Variants in DOLPP1 observed in about 807,000 individuals in gnomAD.
DOLPP1 encodes the protein dolichyldiphosphatase 1, also known as dolichyl pyrophosphate phosphatase 1.
In DOLPP1, 15 loss-of-function variants were observed where a neutral mutation model predicts 34.1. The ratio of observed to expected loss-of-function variants is 0.44; its 90% CI spans 0.29 to 0.68. The LOEUF (loss-of-function observed/expected upper bound fraction) is 0.68. DOLPP1 is among the 30% of genes least tolerant of loss of function. The probability of loss-of-function intolerance (pLI) is 0.12; values close to 1 mark genes in which losing one functional copy is unlikely to be tolerated. For synonymous variants in DOLPP1, 130 were observed against 128.2 expected (o/e 1.01, Z -0.10); for missense variants, 249 against 307.1 (o/e 0.81, Z 1.41).
At position 129,089,372 on chromosome 9, in the gene DOLPP1, CTATT is replaced by C. The variant is rs987295108; in HGVS notation, c.*371_*374del. 11 of 200,318 alleles carry C rather than the reference CTATT, an allele frequency of 5.5e-5. No homozygotes were observed. The highest frequency in any genetic ancestry group is 2.1e-4 in the African/African-American group (9 of 43,176). The allele number at this position is 200,318 out of a possible 1,614,324, so 12.4% of individuals were successfully genotyped here. ...TTCCAGGTGGCGTGAGAAGTACACA[CTATT>C]TATTTTTTGGTTTTGTCAGAGGCAG... On this transcript the variant is annotated 3_prime_UTR_variant, in exon 8 of 8. Coordinates refer to ENST00000372546, the MANE Select transcript of DOLPP1 (RefSeq NM_020438.5). This position sits in a 1 kb window ranked among gnomAD's most constrained non-coding sequence, Gnocchi z 4.9.
chr9:129,082,818 G>C (rs1846914124), intron 1 of DOLPP1, among the ~76,000 whole-genome samples: 1 of 152,232 alleles, frequency 6.6e-6, no homozygotes, highest in Admixed American at 6.5e-5. Context: ...GGGGGATAGA[G>C]TGGGATATAA....
In DOLPP1 at chr9:129,081,303, G is replaced by A. The variant is rs2131412673; in HGVS notation, c.76+96G>A. ...CTCGAGCCCGCGGAGGGGGCGCCGGGGGACCGGGGTGGGAACTGTCAAATA... is the reference window on the plus strand; with the variant it reads ...CTCGAGCCCGCGGAGGGGGCGCCGGAGGACCGGGGTGGGAACTGTCAAATA... On this transcript the variant is annotated intron_variant, in intron 1 of 7. Coordinates refer to ENST00000372546, the MANE Select transcript of DOLPP1 (RefSeq NM_020438.5). 14 of 1,495,140 alleles carry A rather than the reference G, an allele frequency of 9.4e-6. No individual in the cohort carries two copies. The South Asian group carries it at 1.6e-4, about 17-fold the overall frequency. 92.6% of individuals were successfully genotyped at this position (1,495,140 alleles called of 1,614,324 possible).
chr9:129,083,278 G>T (rs1846924278), intron 1 of DOLPP1, among the ~76,000 whole-genome samples: 1 of 152,176 alleles, frequency 6.6e-6, no homozygotes, highest in South Asian at 2.1e-4. Flanking sequence ...TCTGGGACAG[G>T]CTATGGAGAT....
Position 129,081,174 on chromosome 9 carries a change from C to T in DOLPP1, c.43C>T (p.Pro15Ser). The change falls in exon 1 of 8, where the codon CCG (proline) becomes TCG (serine). Residue 15 changes from proline to serine, a missense_variant. Coordinates refer to ENST00000372546, the MANE Select transcript of DOLPP1 (RefSeq NM_020438.5). ...GQCSLPASWR[P>S]VTLTHVEYPA... ...GTGCTCGCTCCCCGCTTCATGGCGGCCGGTGACCCTCACCCACGTCGAATA... is the reference window on the plus strand; with the variant it reads ...GTGCTCGCTCCCCGCTTCATGGCGGTCGGTGACCCTCACCCACGTCGAATA... The T allele has an allele frequency of 6.2e-7, 1 of 1,610,010 alleles. No homozygotes were observed. Among genetic ancestry groups the T allele is most frequent in the Non-Finnish European group, 8.5e-7 (1 of 1,179,486 alleles).
At chr9:129,083,731 C>T (rs781281846) in intron 1 of DOLPP1, among the ~76,000 whole-genome samples, 1 of 152,180 alleles carries the variant, frequency 6.6e-6, no homozygotes, top group Non-Finnish European at 1.5e-5. Flanking sequence ...CATTGAGTCT[C>T]ATGCAGCTGT....
intron 6 of DOLPP1, 90 bp from the exon 7 acceptor site, chr9:129,086,619 T>G (rs1010579463): frequency 6.1e-5 from 83 of 1,360,602 alleles, no homozygotes; most frequent in Non-Finnish European, 8.4e-5. Context: ...GCGGGTGCCG[T>G]GCCAGCCCCG....
At position 129,089,087 on chromosome 9, in the gene DOLPP1, C is replaced by G; in HGVS notation, c.*80C>G. The stretch of plus-strand genomic sequence containing the variant: ...GGATGGACAGGATGACAGACAGGGA[C>G]GAAGCAGAGACCTCTACAGACCCAA... On this transcript the variant is annotated 3_prime_UTR_variant, in exon 8 of 8. Coordinates refer to ENST00000372546, the MANE Select transcript of DOLPP1 (RefSeq NM_020438.5). The surrounding 1 kb of genome is among the most constrained non-coding windows in gnomAD (Gnocchi z 4.9). 2 of 1,476,398 alleles carry G rather than the reference C, an allele frequency of 1.4e-6. No homozygotes were observed. Among genetic ancestry groups the G allele is most frequent in the South Asian group, 1.1e-5 (1 of 88,098 alleles). 91.5% of individuals were successfully genotyped at this position (1,476,398 alleles called of 1,614,324 possible). A position where few individuals can be genotyped will look rare whatever the true frequency, so the allele number is the denominator to read the frequency against.
chr9:129,081,337 C>T (rs1372734726), intron 1 of DOLPP1, 130 bp downstream of exon 1: 9 of 1,153,266 alleles, frequency 7.8e-6, no homozygotes, highest in South Asian at 4.8e-5. Flanking sequence ...TAGTGAACCA[C>T]GGAGGGGCTC....
In DOLPP1 at chr9:129,085,052, C is replaced by T. The variant is rs116577201; in HGVS notation, c.207C>T (p.Asn69=). The T allele has an allele frequency of 3.2e-4, 515 of 1,585,638 alleles. No homozygotes were observed. The African/African-American group carries it at 6.0e-3, about 18-fold the overall frequency. ...CCTTCCTTGGGGGCCTGGCACTGAA[C>T]GAGGGGGTCAACTGGCTGATCAAAA... The part of the protein sequence containing the change: ...TISFLGGLAL[N]EGVNWLIKNV... The change falls in exon 3 of 8, where the codon AAC becomes AAT. Residue 69 remains asparagine, a synonymous_variant. Transcript: ENST00000372546. The surrounding 1 kb of genome is among the most constrained non-coding windows in gnomAD (Gnocchi z 7.0).
chr9:129,083,424 C>T (rs1846926997), intron 1 of DOLPP1, among the ~76,000 whole-genome samples: 1 of 152,200 alleles, frequency 6.6e-6, no homozygotes, highest in Admixed American at 6.5e-5. Flanking sequence ...GCAGCACCAG[C>T]ACTTGACCCC....
chr9:129,087,923 C>T (rs56191856), intron 7 of DOLPP1, among the ~76,000 whole-genome samples: 14,070 of 151,618 alleles, frequency 0.093, 2,157 homozygotes, highest in African/African-American at 0.32. Flanking sequence ...CCCGCCTGGC[C>T]GGCCTCCACC....
At chr9:129,081,545 C>A (rs1846890317) in intron 1 of DOLPP1, among the ~76,000 whole-genome samples, 1 of 152,224 alleles carries the variant, frequency 6.6e-6, no homozygotes, top group Non-Finnish European at 1.5e-5. Flanking sequence ...TTCTTCCCCG[C>A]CCTCCCCTGT....
At position 129,086,135 on chromosome 9, in the gene DOLPP1, C is replaced by T. The variant is rs752908984; in HGVS notation, c.462-4C>T. On this transcript the variant is annotated splice_region_variant and splice_polypyrimidine_tract_variant and intron_variant, in intron 5 of 7. Transcript: ENST00000372546. ...CACATACTTCGCTTCTGGCCTTGGC[C>T]CAGGGTCTACCTGCTGTACCACACC... The T allele has an allele frequency of 6.2e-7, 1 of 1,612,920 alleles. No homozygotes were observed. The highest frequency in any genetic ancestry group is 8.5e-7 in the Non-Finnish European group (1 of 1,179,690).
chr9:129,082,290 G>T (rs978796340), intron 1 of DOLPP1, among the ~76,000 whole-genome samples: 2 of 152,180 alleles, frequency 1.3e-5, no homozygotes, highest in South Asian at 4.1e-4. Flanking sequence ...TGTACTGGGG[G>T]TGGTATGGCC....
chr9:129,087,715 G>A (rs960035954), intron 7 of DOLPP1, among the ~76,000 whole-genome samples: 2 of 151,820 alleles, frequency 1.3e-5, no homozygotes, highest in African/African-American at 2.4e-5. Flanking sequence ...GCGGGGTAGG[G>A]TGGGGCGTCC....
At position 129,085,596 on chromosome 9, in the gene DOLPP1, C is replaced by T; in HGVS notation, c.441C>T (p.Ala147=). Residue 147 remains alanine, a synonymous_variant, in exon 5 of 8, where the codon GCC becomes GCT. Transcript: ENST00000372546. The surrounding 1 kb of genome is among the most constrained non-coding windows in gnomAD (Gnocchi z 7.0). ...TCTCCCTGGGACTCCTCGCTGTGGC[C>T]TTCCTAGTCTCCTACAGCAGGTATG... ...HVLSLGLLAV[A]FLVSYSRVYL... 1 of 1,613,064 alleles carries T rather than the reference C, an allele frequency of 6.2e-7. No individual in the cohort carries two copies. The highest frequency in any genetic ancestry group is 2.2e-5 in the East Asian group (1 of 44,878).
At chr9:129,088,917 G>A (rs1250509475) in intron 7 of DOLPP1, 54 bp from the exon 8 acceptor site, 4 of 1,594,438 alleles carry the variant, frequency 2.5e-6, no homozygotes, top group East Asian at 2.2e-5. Flanking sequence ...GGGGACAGCT[G>A]TAGGTCACTG....
Position 129,086,177 on chromosome 9 carries a change from A to T in DOLPP1, c.500A>T (p.Tyr167Phe). The change falls in exon 6 of 8, where the codon TAT becomes TTT. Residue 167 changes from tyrosine to phenylalanine, a missense_variant. Coordinates refer to ENST00000372546, the MANE Select transcript of DOLPP1 (RefSeq NM_020438.5). ...LLYHTWSQVL[Y>F]GGIAGGLMAI... Reference sequence around the variant, plus strand: ...TACCACACCTGGAGCCAGGTGCTCTATGGAGGCATCGCTGGAGGCCTCATG... The same window carrying T: ...TACCACACCTGGAGCCAGGTGCTCTTTGGAGGCATCGCTGGAGGCCTCATG... 1 of 1,613,366 alleles carries T rather than the reference A, an allele frequency of 6.2e-7. No individual in the cohort carries two copies. Among genetic ancestry groups the T allele is most frequent in the East Asian group, 2.2e-5 (1 of 44,876 alleles).
chr9:129,081,773 T>A (rs1451226122), intron 1 of DOLPP1, among the ~76,000 whole-genome samples: 1 of 152,204 alleles, frequency 6.6e-6, no homozygotes, highest in Non-Finnish European at 1.5e-5. Context: ...GGAACTTGAC[T>A]TCTGTTGCTT....
Sources: allele counts gnomAD v4.1 joint callset (sites outside exome capture counted in the v4.1 genomes callset), GRCh38; gene constraint gnomAD v4.1.1; non-coding constraint Gnocchi (gnomAD v3.1); transcripts MANE v1.5; gene names NCBI Gene and HGNC (gene_info 2026-07-23, HGNC 2026-07-21).